Variants in TICAM1 observed in about 807,000 individuals in gnomAD.
TICAM1 encodes the protein TIR domain-containing adapter molecule 1.
For missense variants in TICAM1, 895 were observed against 938.2 expected (o/e 0.95, Z 0.60); for synonymous variants, 439 against 415.4 (o/e 1.06, Z -0.69).
In TICAM1 at chr19:4,817,816, AG is replaced by A. The variant is rs1212282842; in HGVS notation, c.561del (p.Trp188GlyfsTer66). 6.2e-7 allele frequency: 1 copy of A among 1,602,032 alleles called. No individual in the cohort carries two copies. Among genetic ancestry groups the A allele is most frequent in the African/African-American group, 1.3e-5 (1 of 74,810 alleles). ...SLPRPIDGVS[D>X]WSQGCSLRST... is the part of the protein sequence containing the mutation. ...GATCGCAGGGAGCACCCTTGGCTCC[AG>A]TCCGAAACACCGTCAATGGGGCGTG... On this transcript the variant is annotated frameshift_variant, in exon 2 of 2. Transcript: ENST00000248244. LOFTEE classifies it low-confidence loss of function (END_TRUNC). This position sits in a 1 kb window ranked among gnomAD's most constrained non-coding sequence, Gnocchi z 4.7.
In TICAM1 at chr19:4,818,280, G is replaced by A. The variant is rs747970296; in HGVS notation, c.98C>T (p.Pro33Leu). 1.2e-6 allele frequency: 2 copies of A among 1,612,762 alleles called. No homozygotes were observed. The highest frequency in any genetic ancestry group is 1.3e-5 in the African/African-American group (1 of 74,932). Residue 33 changes from proline (P) to leucine (L), a missense_variant, in exon 2 of 2, where the codon CCA becomes CTA. Pro to Leu is a moderately conservative substitution (Grantham distance 98). Coordinates refer to ENST00000248244, the MANE Select transcript of TICAM1 (RefSeq NM_182919.4). The surrounding 1 kb of genome is among the most constrained non-coding windows in gnomAD (Gnocchi z 4.0). ...GTCCTGCCCCTGGCAGCCTGGGCGTGGGGTCTTCAGTTTGTGCTTCAGATA... is the reference window on the plus strand; with the variant it reads ...GTCCTGCCCCTGGCAGCCTGGGCGTAGGGTCTTCAGTTTGTGCTTCAGATA... ...LLYLKHKLKT[P>L]RPGCQGQDLL...
intron 1 of TICAM1, among the ~76,000 whole-genome samples, chr19:4,828,115 G>T (rs867162762): frequency 1.1e-4 from 16 of 146,282 alleles, no homozygotes; most frequent in Non-Finnish European, 4.4e-5. Flanking sequence ...ACTCTTTTTT[G>T]TTTTTTTTAT....
intron 1 of TICAM1, among the ~76,000 whole-genome samples, chr19:4,827,198 AAAATTAGCCGGGCATGG>A (rs909529018): frequency 7.1e-4 from 108 of 151,272 alleles, no homozygotes; most frequent in Non-Finnish European, 1.4e-3. Flanking sequence ...TAAAAATACA[AAAATTAGCCGGGCATGG>A]TGGCGCAAGC....
Position 4,818,718 on chromosome 19 carries a change from T to G in TICAM1, c.-139-202A>C, listed in dbSNP as rs1388923489. Among the ~76,000 whole-genome samples, 1 of 152,146 alleles carries G rather than the reference T, an allele frequency of 6.6e-6. No homozygotes were observed. The highest frequency in any genetic ancestry group is 1.9e-4 in the East Asian group (1 of 5,184). ...AGTGTGGTGGCTCAGGCCTGTGATC[T>G]CAGCACTTTGGGAGGCTGAAGCAGG... On this transcript the variant is annotated intron_variant, in intron 1 of 1. Coordinates refer to ENST00000248244, the MANE Select transcript of TICAM1 (RefSeq NM_182919.4). The surrounding 1 kb of genome is among the most constrained non-coding windows in gnomAD (Gnocchi z 4.0).
At chr19:4,827,978 C>A (rs911562208) in intron 1 of TICAM1, among the ~76,000 whole-genome samples, 6 of 151,880 alleles carry the variant, frequency 4.0e-5, no homozygotes, top group Non-Finnish European at 5.9e-5. Context: ...TTGGCACGTA[C>A]CCTCCAATTT....
intron 1 of TICAM1, among the ~76,000 whole-genome samples, chr19:4,828,772 G>A (rs543294370): frequency 3.0e-3 from 448 of 149,866 alleles, no homozygotes; most frequent in Middle Eastern, 0.011. Flanking sequence ...GCGCGATCTC[G>A]GCTCACTGCA....
intron 1 of TICAM1, among the ~76,000 whole-genome samples, chr19:4,830,316 A>C (rs2093612054): frequency 6.6e-6 from 1 of 151,748 alleles, no homozygotes. Context: ...GGGCTCAAGC[A>C]ATCCACCTGC....
chr19:4,826,307 AT>A (rs2093605296), intron 1 of TICAM1, among the ~76,000 whole-genome samples: 1 of 58,146 alleles, frequency 1.7e-5, no homozygotes, highest in East Asian at 6.3e-4. Flanking sequence ...ATTAGGAGAT[AT>A]ATATATATAT....
chr19:4,823,281 A>T (rs1019670029), intron 1 of TICAM1, among the ~76,000 whole-genome samples: 2 of 152,098 alleles, frequency 1.3e-5, no homozygotes, highest in Non-Finnish European at 2.9e-5. Context: ...CCTGGCTAAC[A>T]TGGCGAAACT....
chr19:4,820,284 G>C (rs973332682), intron 1 of TICAM1, among the ~76,000 whole-genome samples: 1 of 151,182 alleles, frequency 6.6e-6, no homozygotes, highest in African/African-American at 2.4e-5. Context: ...GCTGGGCATG[G>C]TGGCAGGCGC....
intron 1 of TICAM1, among the ~76,000 whole-genome samples, chr19:4,827,394 A>G (rs1412447731): frequency 3.1e-4 from 46 of 148,462 alleles, no homozygotes; most frequent in Admixed American, 2.5e-3. Context: ...AAAAAAAAAA[A>G]AAAAAAAAAG....
chr19:4,820,752 C>T (rs559653239), intron 1 of TICAM1, among the ~76,000 whole-genome samples: 4 of 151,344 alleles, frequency 2.6e-5, no homozygotes, highest in East Asian at 2.0e-4. Flanking sequence ...GGCATGGTGG[C>T]GTGTGCTTGT....
chr19:4,818,080 A>G lies in TICAM1; in HGVS notation c.298T>C (p.Tyr100His). Reference sequence around the variant, plus strand: ...AGCTTCTCCTCAGCCAGCAGGTGGTACAAGCGGGCCACAGCCCAGGACACA... The same window carrying G: ...AGCTTCTCCTCAGCCAGCAGGTGGTGCAAGCGGGCCACAGCCCAGGACACA... ...PDVSWAVARL[Y>H]HLLAEEKLCP... is the part of the protein sequence containing the mutation. The change falls in exon 2 of 2, where the codon TAC becomes CAC. Residue 100 changes from tyrosine to histidine, a missense_variant. By Grantham distance (83) the Tyr-to-His change is moderately conservative (BLOSUM62 2). Coordinates refer to ENST00000248244, the MANE Select transcript of TICAM1 (RefSeq NM_182919.4). This position sits in a 1 kb window ranked among gnomAD's most constrained non-coding sequence, Gnocchi z 4.0. 1.9e-6 allele frequency: 3 copies of G among 1,607,582 alleles called. No homozygotes were observed. The East Asian group carries it at 6.7e-5, about 36-fold the overall frequency.
At chr19:4,827,036 A>T (rs1166169114) in intron 1 of TICAM1, among the ~76,000 whole-genome samples, 1 of 151,900 alleles carries the variant, frequency 6.6e-6, no homozygotes, top group Non-Finnish European at 1.5e-5. Flanking sequence ...AAAATAATGC[A>T]GGCACAATCG....
chr19:4,819,431 C>T (rs566883924), intron 1 of TICAM1, among the ~76,000 whole-genome samples: 4 of 152,300 alleles, frequency 2.6e-5, no homozygotes, highest in South Asian at 2.1e-4. Flanking sequence ...TGGCAGAAGA[C>T]GGATTTCAAC....
chr19:4,828,093 C>T (rs2075520943), intron 1 of TICAM1, among the ~76,000 whole-genome samples: 1 of 151,904 alleles, frequency 6.6e-6, no homozygotes, highest in Non-Finnish European at 1.5e-5. Context: ...GAGTTTAACA[C>T]TTAGAATTCA....
chr19:4,819,816 A>C (rs1056158201), intron 1 of TICAM1, among the ~76,000 whole-genome samples: 1 of 152,050 alleles, frequency 6.6e-6, no homozygotes, highest in African/African-American at 2.4e-5. Context: ...CAGAGGTTGC[A>C]GTGAGCAAAG....
At position 4,817,273 on chromosome 19, in the gene TICAM1, A is replaced by G; in HGVS notation, c.1105T>C (p.Ser369Pro). Residue 369 changes from serine (S) to proline (P), a missense_variant, in exon 2 of 2, where the codon TCT becomes CCT. Ser to Pro is a moderately conservative substitution (Grantham distance 74, BLOSUM62 -1). Transcript: ENST00000248244. The surrounding 1 kb of genome is among the most constrained non-coding windows in gnomAD (Gnocchi z 4.7). ...GTCAGGTGAGCTGAACAAGGAGTAG[A>G]TGAAGGAGGAGGAGGAGGAGGAGGA... ...SPPPPPPPPS[S>P]TPCSAHLTPS... 1 of 1,608,814 alleles carries G rather than the reference A, an allele frequency of 6.2e-7. No individual in the cohort carries two copies. Among genetic ancestry groups the G allele is most frequent in the Non-Finnish European group, 8.5e-7 (1 of 1,178,384 alleles).
chr19:4,824,095 C>G (rs898102150), intron 1 of TICAM1, among the ~76,000 whole-genome samples: 2 of 152,028 alleles, frequency 1.3e-5, no homozygotes, highest in East Asian at 3.9e-4. Flanking sequence ...TGCCACCCCC[C>G]TCTCCTGGGT....
Sources: gnomAD v4.1 joint callset for allele counts (sites outside exome capture counted in the v4.1 genomes callset) on GRCh38, gnomAD v4.1.1 for gene constraint, Gnocchi (gnomAD v3.1) non-coding constraint, MANE v1.5 for transcripts, NCBI Gene and HGNC (gene_info 2026-07-23, HGNC 2026-07-21) for gene names.